The following CYREN variants were observed in gnomAD, a reference collection of about 807,000 sequenced individuals.
The protein encoded by CYREN is cell cycle regulator of non-homologous end joining.
CYREN carries 7 observed loss-of-function variants against 9.7 expected under a neutral mutation model. The ratio of observed to expected loss-of-function variants is 0.72; its 90% CI spans 0.41 to 1.36. The LOEUF is 1.36. Among genes scored for constraint, CYREN ranks in the 40% most tolerant of loss-of-function variants. The pLI is 0.01. For synonymous variants in CYREN, 76 were observed against 77.9 expected (o/e 0.98, Z 0.13); for missense variants, 215 against 198.1 (o/e 1.09, Z -0.51).
At chr7:135,094,284 G>A (rs1240863518) in exon 3 of CYREN, 1 of 425,588 alleles carries the variant, frequency 2.3e-6, no homozygotes, top group African/African-American at 2.1e-5. Context: ...GCAACTTATT[G>A]GATCCATCAG....
At chr7:135,148,259 C>A (rs565621925) in intron 2 of CYREN, 1 of 374,020 alleles carries the variant, frequency 2.7e-6, no homozygotes, top group South Asian at 2.0e-5. Context: ...GTGGTCTCTG[C>A]ACCTCCTTTC....
intron 2 of CYREN, among the ~76,000 whole-genome samples, chr7:135,101,939 G>A (rs1339018438): frequency 1.3e-5 from 2 of 152,162 alleles, no homozygotes; most frequent in Non-Finnish European, 2.9e-5. Flanking sequence ...CACGAGATCC[G>A]TTGGTTTTAT....
At chr7:135,100,892 G>A (rs1036010970) in intron 2 of CYREN, among the ~76,000 whole-genome samples, 1 of 152,148 alleles carries the variant, frequency 6.6e-6, no homozygotes, top group African/African-American at 2.4e-5. Flanking sequence ...TTCCCCTTAT[G>A]TAACATGGGA....
intron 2 of CYREN, chr7:135,101,212 C>T (rs1251835180): frequency 1.3e-5 from 6 of 456,228 alleles, no homozygotes; most frequent in South Asian, 7.7e-5. Flanking sequence ...AAAGTGACAT[C>T]CCTGCAGTCT....
intron 2 of CYREN, among the ~76,000 whole-genome samples, chr7:135,110,610 G>A (rs747931589): frequency 2.0e-5 from 3 of 152,252 alleles, no homozygotes; most frequent in Admixed American, 6.5e-5. Context: ...GCTCTGTGTC[G>A]CTCCTGGGTG....
chr7:135,114,881 C>T (rs1334508028), intron 2 of CYREN, among the ~76,000 whole-genome samples: 5 of 152,172 alleles, frequency 3.3e-5, no homozygotes, highest in Non-Finnish European at 5.9e-5. Context: ...AAATCAAAGT[C>T]CTTCTACTGG....
chr7:135,096,558 A>AAGATAGATGATAGATAGAT (rs1822774473), intron 2 of CYREN, among the ~76,000 whole-genome samples: 2 of 79,788 alleles, frequency 2.5e-5, no homozygotes, highest in East Asian at 3.0e-4. Context: ...GAAAGAAAGA[A>AAGATAGATGATAGATAGAT]AGATAGATAG....
chr7:135,166,743 C>T lies in CYREN; in HGVS notation c.342G>A (p.Gly114=). ...TGAGGCCTGGAGCCAGTGCCTGTTT[C>T]CCACTGTCCTCTTCCTCACTGCTGC... ...SGSSSEEEDS[G]KQALAPGLSP... The change falls in exon 4 of 4, where the codon GGG becomes GGA. Residue 114 remains glycine (G), a synonymous_variant. Transcript: ENST00000393114. The T allele has an allele frequency of 6.2e-7, 1 of 1,614,050 alleles. No homozygotes were observed. Among genetic ancestry groups the T allele is most frequent in the Admixed American group, 1.7e-5 (1 of 60,030 alleles).
chr7:135,148,583 C>A (rs1363962942), intron 2 of CYREN, among the ~76,000 whole-genome samples: 1 of 152,176 alleles, frequency 6.6e-6, no homozygotes, highest in East Asian at 1.9e-4. Flanking sequence ...GAGTCTTGCA[C>A]GCAGTGTGTA....
intron 2 of CYREN, among the ~76,000 whole-genome samples, chr7:135,145,353 C>T (rs1394585705): frequency 6.6e-6 from 1 of 152,124 alleles, no homozygotes; most frequent in Non-Finnish European, 1.5e-5. Context: ...GATTTACTCT[C>T]CCAGAACTGA....
exon 3 of CYREN, chr7:135,094,247 C>A: frequency 5.2e-6 from 2 of 385,066 alleles, no homozygotes; most frequent in South Asian, 2.0e-5. Flanking sequence ...CTTACAACAA[C>A]AAAAAAGCTG....
chr7:135,164,342 A>AG, downstream of CYREN: 1 of 1,227,060 alleles, frequency 8.1e-7, no homozygotes, highest in East Asian at 2.4e-5. Context: ...GAAATGCCAA[A>AG]GGGAGAACAT....
At chr7:135,137,603 CT>C (rs1232264021) in intron 2 of CYREN, among the ~76,000 whole-genome samples, 1 of 151,824 alleles carries the variant, frequency 6.6e-6, no homozygotes, top group African/African-American at 2.4e-5. Context: ...AAAAAAACAC[CT>C]TATGTATAGA....
At chr7:135,153,831 G>A (rs532398814) in intron 2 of CYREN, among the ~76,000 whole-genome samples, 9 of 152,322 alleles carry the variant, frequency 5.9e-5, no homozygotes, top group African/African-American at 2.2e-4. Flanking sequence ...CTGGTTTTTA[G>A]TATCAGGGTG....
rs186214231 is a variant in CYREN at position 135,111,443 on chromosome 7, A to G, written n.357-16861T>C. Among the ~76,000 whole-genome samples the G allele has an allele frequency of 1.1e-4, 16 of 152,314 alleles. No individual in the cohort carries two copies. In the East Asian group the frequency reaches 2.9e-3, roughly 28 times the overall value. The stretch of plus-strand genomic sequence containing the variant: ...ACTGGTGATTATTTTCAGGGCCTTT[A>G]AACTATTTCCCTTGATTCATTGAGC... On this transcript the variant is annotated intron_variant and non_coding_transcript_variant, in intron 2 of 2. Coordinates refer to the CYREN transcript ENST00000459937.
chr7:135,147,804 A>G (rs1829577117), intron 2 of CYREN: 2 of 456,226 alleles, frequency 4.4e-6, no homozygotes, highest in Non-Finnish European at 8.8e-6. Context: ...GGTTGTGTTT[A>G]TCTTGCAGTT....
chr7:135,154,016 T>G lies in CYREN; in HGVS notation n.356+14733A>C, dbSNP rs988797947. Among the ~76,000 whole-genome samples the G allele has an allele frequency of 2.6e-5, 4 of 152,308 alleles. No homozygotes were observed. In the East Asian group the frequency reaches 5.8e-4, roughly 22 times the overall value. On this transcript the variant is annotated intron_variant and non_coding_transcript_variant, in intron 2 of 2. Transcript: ENST00000459937. ...TTATTGATTCAATCTCACTACTCAT[T>G]ATTGGTCTGTTTAGAAGTTCTATTT...
chr7:135,128,182 C>A (rs1828165378), intron 2 of CYREN, among the ~76,000 whole-genome samples: 1 of 149,298 alleles, frequency 6.7e-6, no homozygotes, highest in African/African-American at 2.5e-5. Context: ...GTCCCAGCTA[C>A]TCGGGAGGCT....
At chr7:135,095,961 G>T (rs1822606892) in intron 2 of CYREN, among the ~76,000 whole-genome samples, 1 of 152,128 alleles carries the variant, frequency 6.6e-6, no homozygotes, top group Non-Finnish European at 1.5e-5. Flanking sequence ...AGATCAGCCT[G>T]GCCAACATGG....
Sources: allele counts gnomAD v4.1 joint callset (sites outside exome capture counted in the v4.1 genomes callset), GRCh38; gene constraint gnomAD v4.1.1; transcripts MANE v1.5; gene names NCBI Gene and HGNC (gene_info 2026-07-23, HGNC 2026-07-21).